Variants in RNLS observed in about 807,000 individuals in gnomAD.
RNLS encodes renalase, FAD dependent amine oxidase, also known as renalase.
A neutral mutation model predicts 39.8 loss-of-function variants in RNLS; 39 were observed. The observed-to-expected ratio is 0.98, with a 90% CI of 0.76 to 1.28. The LOEUF (loss-of-function observed/expected upper bound fraction) is 1.28. Among genes scored for constraint, RNLS ranks in the 50% most tolerant of loss-of-function variants. RNLS has a pLI of 0.00. For missense variants in RNLS, 410 were observed against 413.3 expected (o/e 0.99, Z 0.07); for synonymous variants, 147 against 150.7 (o/e 0.98, Z 0.18).
intron 4 of RNLS, among the ~76,000 whole-genome samples, chr10:88,378,537 T>G (rs1014197278): frequency 6.6e-6 from 1 of 152,132 alleles, no homozygotes; most frequent in Non-Finnish European, 1.5e-5. Flanking sequence ...CATAAAAAAT[T>G]ATCTCACCTA....
At chr10:88,432,760 T>C (rs1191356816) in intron 4 of RNLS, among the ~76,000 whole-genome samples, 1 of 152,046 alleles carries the variant, frequency 6.6e-6, no homozygotes, top group African/African-American at 2.4e-5. Flanking sequence ...CTTCAATTTT[T>C]GGAGGGGCAT....
intron 4 of RNLS, among the ~76,000 whole-genome samples, chr10:88,407,478 TA>T (rs533708592): frequency 2.0e-3 from 301 of 151,402 alleles, no homozygotes; most frequent in Non-Finnish European, 3.8e-3. Flanking sequence ...ATTAAATTAA[TA>T]AAAAAATTAA....
At chr10:88,174,178 A>T in the RNLS span, among the ~76,000 whole-genome samples, 2 of 152,062 alleles carry the variant, frequency 1.3e-5, no homozygotes, top group South Asian at 4.1e-4. Flanking sequence ...AATATGTAAG[A>T]TTATGTCATC....
the RNLS span, among the ~76,000 whole-genome samples, chr10:88,245,063 G>GA: frequency 2.0e-5 from 3 of 151,106 alleles, no homozygotes; most frequent in Non-Finnish European, 4.4e-5. Context: ...AGGGAGAGAA[G>GA]AAAAAAAGGG....
the RNLS span, among the ~76,000 whole-genome samples, chr10:88,260,222 T>C: frequency 6.6e-6 from 1 of 152,144 alleles, no homozygotes; most frequent in East Asian, 1.9e-4. Flanking sequence ...ATAAGCAAAC[T>C]TGAGCTGGTT....
At chr10:88,580,410 G>A (rs1027946669) in intron 3 of RNLS, among the ~76,000 whole-genome samples, 1 of 152,044 alleles carries the variant, frequency 6.6e-6, no homozygotes, top group Non-Finnish European at 1.5e-5. Flanking sequence ...GATTCTTGGG[G>A]TTCTCAATAA....
rs1309380701 is a variant in RNLS at position 88,527,737 on chromosome 10, C to T, written c.526+45166G>A. ...ATTTTAGTTGTGCACCTTTAAAATA[C>T]GAATGGACAGCCAAGGGTCACCCAT... is the stretch of plus-strand genomic sequence containing the variant. On this transcript the variant is annotated intron_variant, in intron 4 of 6. Coordinates refer to ENST00000331772, the MANE Select transcript of RNLS (RefSeq NM_001031709.3). 4.6e-5 allele frequency among the ~76,000 whole-genome samples: 7 copies of T among 151,266 alleles called. No homozygotes were observed. In the East Asian group the frequency reaches 9.7e-4, roughly 21 times the overall value.
chr10:88,187,346 T>A, the RNLS span, among the ~76,000 whole-genome samples: 1 of 151,452 alleles, frequency 6.6e-6, no homozygotes. Context: ...GCTGGAGAAA[T>A]CTTCCTTAGA....
chr10:88,379,863 A>G (rs1851311059), intron 4 of RNLS, among the ~76,000 whole-genome samples: 1 of 152,238 alleles, frequency 6.6e-6, no homozygotes, highest in South Asian at 2.1e-4. Context: ...AGACAGCTCC[A>G]GCTTACAACA....
chr10:88,203,339 C>T, the RNLS span, among the ~76,000 whole-genome samples: 3 of 4,756 alleles, frequency 6.3e-4, no homozygotes, highest in Admixed American at 3.2e-3. Context: ...TATATATACA[C>T]GTATGTGTAT....
At chr10:88,277,959 A>G (rs1481283444) in intron 6 of RNLS, among the ~76,000 whole-genome samples, 1 of 152,228 alleles carries the variant, frequency 6.6e-6, no homozygotes, top group East Asian at 1.9e-4. Flanking sequence ...CACAAATTTT[A>G]GCAGATTTGT....
chr10:88,223,062 G>A, the RNLS span, among the ~76,000 whole-genome samples: 4 of 152,218 alleles, frequency 2.6e-5, no homozygotes, highest in African/African-American at 7.2e-5. Context: ...TGATTAATGA[G>A]GCAAAGCTGA....
At chr10:88,547,142 A>G (rs942328721) in intron 4 of RNLS, among the ~76,000 whole-genome samples, 2 of 152,206 alleles carry the variant, frequency 1.3e-5, no homozygotes, top group African/African-American at 4.8e-5. Flanking sequence ...CCTTGCGATA[A>G]TCTTCAGAGA....
intron 6 of RNLS, among the ~76,000 whole-genome samples, chr10:88,286,732 A>T (rs775998834): frequency 6.6e-6 from 1 of 152,034 alleles, no homozygotes; most frequent in African/African-American, 2.4e-5. Context: ...AATAAATTCT[A>T]TTTAAATTAT....
chr10:88,203,392 ATG>A, the RNLS span, among the ~76,000 whole-genome samples: 710 of 11,150 alleles, frequency 0.064, 172 homozygotes, highest in African/African-American at 0.13. Context: ...ATATACACGT[ATG>A]TGTATATATA....
chr10:88,374,582 C>T (rs1279239669), intron 4 of RNLS, among the ~76,000 whole-genome samples: 3 of 152,186 alleles, frequency 2.0e-5, no homozygotes, highest in African/African-American at 4.8e-5. Flanking sequence ...TCTGCTAGGG[C>T]GTGATCTCGA....
intron 4 of RNLS, among the ~76,000 whole-genome samples, chr10:88,543,499 C>A (rs1430912472): frequency 6.6e-6 from 1 of 152,038 alleles, no homozygotes; most frequent in Non-Finnish European, 1.5e-5. Flanking sequence ...TTAGATGAAC[C>A]AATGGGCTGT....
chr10:88,412,890 G>C (rs930114208), intron 4 of RNLS, among the ~76,000 whole-genome samples: 3 of 152,154 alleles, frequency 2.0e-5, no homozygotes, highest in Non-Finnish European at 4.4e-5. Context: ...TTTGTTGAGT[G>C]AATAAACTTT....
At chr10:88,448,356 T>C (rs1002252374) in intron 4 of RNLS, among the ~76,000 whole-genome samples, 5 of 152,070 alleles carry the variant, frequency 3.3e-5, no homozygotes, top group African/African-American at 1.2e-4. Context: ...AACAGACACT[T>C]CTCAAAAGAA....
Sources: gnomAD v4.1 joint callset for allele counts (sites outside exome capture counted in the v4.1 genomes callset) on GRCh38, gnomAD v4.1.1 for gene constraint, MANE v1.5 for transcripts, NCBI Gene and HGNC (gene_info 2026-07-23, HGNC 2026-07-21) for gene names.